The following EPB42 variants were observed in gnomAD, a reference collection of about 807,000 sequenced individuals.
EPB42 encodes erythrocyte membrane protein band 4.2, also known as protein 4.2.
In EPB42, 49 loss-of-function variants were observed where a neutral mutation model predicts 76.9. The ratio of observed to expected loss-of-function variants is 0.64; its 90% CI spans 0.51 to 0.81. The LOEUF (loss-of-function observed/expected upper bound fraction) is 0.81, where lower values mean the gene tolerates loss of function less well. Ranked by LOEUF, EPB42 falls within the 30% of genes least tolerant of loss-of-function variation. The pLI, the probability that EPB42 is intolerant of heterozygous loss-of-function variation, is 0.00. For missense variants in EPB42, 731 were observed against 867.6 expected, an observed-to-expected ratio of 0.84 and a Z score of 1.98; for synonymous variants, 310 against 338.4, an observed-to-expected ratio of 0.92 and a Z score of 0.92.
chr15:43,207,467 A>C, intron 8 of EPB42, 26 bp from the exon 9 acceptor site: 1 of 1,611,784 alleles, frequency 6.2e-7, no homozygotes, highest in East Asian at 2.2e-5. Flanking sequence ...GTTGGTGAGC[A>C]TGGGAGCTGC....
At chr15:43,208,587 G>A in intron 7 of EPB42, 50 bp downstream of exon 7, 1 of 1,613,068 alleles carries the variant, frequency 6.2e-7, no homozygotes, top group Non-Finnish European at 8.5e-7. Context: ...GTGCTATGCA[G>A]GGTTGGAGCC....
rs2042276993 is a variant in EPB42, at chr15:43,210,442, G to C, written c.550-3C>G. The C allele has an allele frequency of 1.2e-6, 2 of 1,613,214 alleles. No individual in the cohort carries two copies. The highest frequency in any genetic ancestry group is 4.5e-5 in the East Asian group (2 of 44,868). On this transcript the variant is annotated splice_region_variant and splice_polypyrimidine_tract_variant and intron_variant, in intron 4 of 12. Transcript: ENST00000441366. ...AGGTCAATGACATCCCCCTCGAACT[G>C]TTAAGGATCACACAGGGCCATGATG...
At chr15:43,219,797 T>C (rs2042430741) in intron 1 of EPB42, among the ~76,000 whole-genome samples, 1 of 151,980 alleles carries the variant, frequency 6.6e-6, no homozygotes, top group African/African-American at 2.4e-5. Flanking sequence ...ATACAAAAAA[T>C]TAGCCGGGCA....
chr15:43,223,336 G>C (rs2042479323), upstream of EPB42, among the ~76,000 whole-genome samples: 1 of 151,946 alleles, frequency 6.6e-6, no homozygotes, highest in African/African-American at 2.4e-5. Flanking sequence ...AACAAAACAA[G>C]ATATGCAACA....
Position 43,209,282 on chromosome 15 carries a change from G to A in EPB42, c.824C>T (p.Ala275Val), listed in dbSNP as rs1353091028. Residue 275 changes from alanine (A) to valine (V), a missense_variant, in exon 6 of 13, where the codon GCT becomes GTT. Transcript: ENST00000441366. Reference sequence around the variant, plus strand: ...GAGACAAGGGGACCAACCTGTGCAAGCAACAGCAGCCAACACCCAGGCCTG... The same window carrying A: ...GAGACAAGGGGACCAACCTGTGCAAACAACAGCAGCCAACACCCAGGCCTG... ...DGQAWVLAAV[A>V]CTVLRCLGIP... 5 of 1,614,000 alleles carry A rather than the reference G, an allele frequency of 3.1e-6. No individual in the cohort carries two copies. The highest frequency in any genetic ancestry group is 4.2e-6 in the Non-Finnish European group (5 of 1,180,028).
chr15:43,219,535 T>TG (rs1165456596), intron 1 of EPB42, among the ~76,000 whole-genome samples: 1 of 152,150 alleles, frequency 6.6e-6, no homozygotes, highest in African/African-American at 2.4e-5. Context: ...ACCCACTGCC[T>TG]GGAAAGAATT....
chr15:43,206,764 GC>G lies in EPB42; in HGVS notation c.1319-136del. On this transcript the variant is annotated intron_variant, in intron 9 of 12. Transcript: ENST00000441366. The surrounding 1 kb of genome is among the most constrained non-coding windows in gnomAD (Gnocchi z 4.7). ...CACAAGAACTCAGCAAGCCTCTAAG[GC>G]CATATTTAGCCCAAAAATGTCTGTG... is the stretch of plus-strand genomic sequence containing the variant. 1 of 1,022,640 alleles carries G rather than the reference GC, an allele frequency of 9.8e-7. No individual in the cohort carries two copies. The highest frequency in any genetic ancestry group is 1.5e-6 in the Non-Finnish European group (1 of 684,232). 63.3% of individuals were successfully genotyped at this position (1,022,640 alleles called of 1,614,324 possible).
rs1361938830 is a variant in EPB42, at chr15:43,210,323, C to A, written c.654+12G>T. 6.2e-6 allele frequency: 10 copies of A among 1,612,130 alleles called. No homozygotes were observed. Among genetic ancestry groups the A allele is most frequent in the Non-Finnish European group, 5.9e-6 (7 of 1,179,146 alleles). On this transcript the variant is annotated intron_variant, in intron 5 of 12. Transcript: ENST00000441366. ...CCCCTGCCCCATTCTGGTTCCCCAG[C>A]CTCTCGCTTACCAAGGCACCCAACA...
At chr15:43,222,998 T>G (rs1028451643), upstream of EPB42, among the ~76,000 whole-genome samples, 2 of 152,332 alleles carry the variant, frequency 1.3e-5, no homozygotes, top group East Asian at 3.9e-4. Context: ...CCTTAAAAAT[T>G]TTTAAATGGA....
At chr15:43,203,340 A>C in intron 10 of EPB42, 65 bp from the exon 11 acceptor site, 1 of 1,599,996 alleles carries the variant, frequency 6.3e-7, no homozygotes, top group East Asian at 2.2e-5. Context: ...AGCCATAGTT[A>C]CACACACAAT....
At chr15:43,221,256 G>A, upstream of EPB42, 1 of 216,654 alleles carries the variant, frequency 4.6e-6, no homozygotes, top group Non-Finnish European at 9.4e-6. Context: ...TGGAAGAGAG[G>A]AGGCCACAAA....
chr15:43,210,523 C>A, intron 4 of EPB42, 84 bp from the exon 5 acceptor site: 1 of 1,221,648 alleles, frequency 8.2e-7, no homozygotes, highest in Non-Finnish European at 1.2e-6. Context: ...ACTCATCCTG[C>A]AGGACAGCCT....
chr15:43,221,014 C>T lies in EPB42; in HGVS notation c.-189G>A. The T allele has an allele frequency of 1.6e-6, 1 of 635,014 alleles. No individual in the cohort carries two copies. Among genetic ancestry groups the T allele is most frequent in the Admixed American group, 2.3e-5 (1 of 43,524 alleles). The allele number at this position is 635,014 out of a possible 1,614,324, so 39.3% of individuals were successfully genotyped here. A position where few individuals can be genotyped will look rare whatever the true frequency, so the allele number is the denominator to read the frequency against. On this transcript the variant is annotated 5_prime_UTR_variant, in exon 1 of 13. Coordinates refer to ENST00000441366, the MANE Select transcript of EPB42 (RefSeq NM_001114134.2). ...GTGAGCACCCTGACATGTTTCTTCT[C>T]TCCTACTCCCTCTCTGCTGGTATCT...
At position 43,208,244 on chromosome 15, in the gene EPB42, G is replaced by A. The variant is rs1289163096; in HGVS notation, c.1061C>T (p.Pro354Leu). 6.2e-7 allele frequency: 1 copy of A among 1,613,920 alleles called. No homozygotes were observed. The highest frequency in any genetic ancestry group is 2.2e-5 in the East Asian group (1 of 44,890). ...DGWQILHPSA[P>L]NGGGVLGSCD... Reference sequence around the variant, plus strand: ...CTAGGCTTTACCTCCACCTCCATTAGGAGCACTTGGGTGCAGAATCTGCCA... The same window carrying A: ...CTAGGCTTTACCTCCACCTCCATTAAGAGCACTTGGGTGCAGAATCTGCCA... Residue 354 changes from proline to leucine, a missense_variant, in exon 8 of 13, where the codon CCT becomes CTT. Pro to Leu is a moderately conservative substitution (Grantham distance 98). Coordinates refer to ENST00000441366, the MANE Select transcript of EPB42 (RefSeq NM_001114134.2).
Position 43,220,904 on chromosome 15 carries a change from C to T in EPB42, c.-79G>A. On this transcript the variant is annotated 5_prime_UTR_variant, in exon 1 of 13. Coordinates refer to ENST00000441366, the MANE Select transcript of EPB42 (RefSeq NM_001114134.2). ...CTGTTGCTTCTGGGCTCCTTCTGGG[C>T]TTTCTGTCTTCCAGACAGAAAATAT... 1.5e-6 allele frequency: 2 copies of T among 1,354,426 alleles called. No individual in the cohort carries two copies. The highest frequency in any genetic ancestry group is 2.1e-6 in the Non-Finnish European group (2 of 955,514). The allele number at this position is 1,354,426 out of a possible 1,614,324, so 83.9% of individuals were successfully genotyped here. A position where few individuals can be genotyped will look rare whatever the true frequency, so the allele number is the denominator to read the frequency against.
In EPB42 at chr15:43,201,915, T is replaced by C; in HGVS notation, c.1842A>G (p.Leu614=). The stretch of plus-strand genomic sequence containing the variant: ...TCACACAGTCCTCCATGGGGGCATC[T>C]AGGGAGTTCTGGAGGCTGACTGAGG... ...LTASVSLQNS[L]DAPMEDCVIS... is the part of the protein sequence containing the mutation. The change falls in exon 12 of 13, where the codon CTA becomes CTG. Residue 614 remains leucine (L), a synonymous_variant. Coordinates refer to ENST00000441366, the MANE Select transcript of EPB42 (RefSeq NM_001114134.2). 6.2e-7 allele frequency: 1 copy of C among 1,614,168 alleles called. No homozygotes were observed. The highest frequency in any genetic ancestry group is 8.5e-7 in the Non-Finnish European group (1 of 1,180,008).
intron 5 of EPB42, 50 bp from the exon 6 acceptor site, chr15:43,209,501 G>A: frequency 6.4e-7 from 1 of 1,569,504 alleles, no homozygotes; most frequent in Non-Finnish European, 8.7e-7. Flanking sequence ...GGGCAGGACA[G>A]CTTCCAGGGC....
At position 43,212,266 on chromosome 15, in the gene EPB42, G is replaced by A. The variant is rs142168912; in HGVS notation, c.431-732C>T. Among the ~76,000 whole-genome samples, 1,117 of 151,038 alleles carry A rather than the reference G, an allele frequency of 7.4e-3. 15 individuals carry two copies. The highest frequency in any genetic ancestry group is 0.026 in the African/African-American group (1,070 of 41,146). On this transcript the variant is annotated intron_variant, in intron 3 of 12. Coordinates refer to ENST00000441366, the MANE Select transcript of EPB42 (RefSeq NM_001114134.2). ...TGCTTGTAGTTCCAGCTACTTGGGAGGCTAAGGCAGAAGAATCTCTTGAAT... is the reference window on the plus strand; with the variant it reads ...TGCTTGTAGTTCCAGCTACTTGGGAAGCTAAGGCAGAAGAATCTCTTGAAT...
upstream of EPB42, among the ~76,000 whole-genome samples, chr15:43,224,096 C>T (rs1173934745): frequency 6.6e-6 from 1 of 152,190 alleles, no homozygotes; most frequent in African/African-American, 2.4e-5. Context: ...TATGTTTTCA[C>T]CCTTCTGTAG....
Sources: allele counts gnomAD v4.1 joint callset (sites outside exome capture counted in the v4.1 genomes callset), GRCh38; gene constraint gnomAD v4.1.1; non-coding constraint Gnocchi (gnomAD v3.1); transcripts MANE v1.5; gene names NCBI Gene and HGNC (gene_info 2026-07-23, HGNC 2026-07-21).